The following CDS2 variants were observed in gnomAD, a reference collection of about 807,000 sequenced individuals.
CDS2 encodes phosphatidate cytidylyltransferase 2.
A neutral mutation model predicts 59.0 loss-of-function variants in CDS2; 47 were observed. The observed-to-expected ratio is 0.80, with a 90% CI of 0.63 to 1.02. The LOEUF is 1.02. Ranked by LOEUF, CDS2 falls within the 50% of genes least tolerant of loss-of-function variation. The pLI is 0.00. For missense variants in CDS2, 356 were observed against 558.9 expected, an observed-to-expected ratio of 0.64 and a Z score of 3.66; for synonymous variants, 207 against 206.4, an observed-to-expected ratio of 1.00 and a Z score of -0.02.
chr20:5,151,049 C>T (rs2090785320), intron 1 of CDS2, among the ~76,000 whole-genome samples: 1 of 152,202 alleles, frequency 6.6e-6, no homozygotes, highest in African/African-American at 2.4e-5. Context: ...ACTAAATCAG[C>T]TGTGAAGATT....
rs1212261381 is a variant in CDS2, at chr20:5,192,927, G to A, written c.*2693G>A. On this transcript the variant is annotated 3_prime_UTR_variant, in exon 13 of 13. Transcript: ENST00000460006. Reference sequence around the variant, plus strand: ...CCTGCACTTTACCCACAGGACACCTGGAGGGTCCCCCAGCCCTGCTTGCTT... The same window carrying A: ...CCTGCACTTTACCCACAGGACACCTAGAGGGTCCCCCAGCCCTGCTTGCTT... 1 of 152,274 alleles carries A rather than the reference G, an allele frequency of 6.6e-6. No individual in the cohort carries two copies. The highest frequency in any genetic ancestry group is 2.4e-5 in the African/African-American group (1 of 41,468). The allele number at this position is 152,274 out of a possible 1,614,324, so 9.4% of individuals were successfully genotyped here.
intron 1 of CDS2, among the ~76,000 whole-genome samples, chr20:5,163,911 C>T (rs1012783839): frequency 6.6e-6 from 1 of 151,794 alleles, no homozygotes. Flanking sequence ...TTGCCTCAGC[C>T]TCCCAAGTAG....
rs773605365 is a variant in CDS2 at position 5,189,205 on chromosome 20, G to T, written c.1101+19G>T. On this transcript the variant is annotated intron_variant, in intron 11 of 12. Coordinates refer to ENST00000460006, the MANE Select transcript of CDS2 (RefSeq NM_003818.4). ...AATCAAAGTAGGAAAACCGTCTTAC[G>T]TTCCTCTCATCTCACTCCCTCACCC... 4 of 1,613,628 alleles carry T rather than the reference G, an allele frequency of 2.5e-6. No individual in the cohort carries two copies. In the South Asian group the frequency reaches 3.3e-5, roughly 13 times the overall value.
intron 1 of CDS2, among the ~76,000 whole-genome samples, chr20:5,152,470 G>A (rs1217742514): frequency 2.0e-5 from 3 of 152,088 alleles, no homozygotes; most frequent in Non-Finnish European, 4.4e-5. Context: ...GGCCAGGTAC[G>A]GTGGCTCACG....
intron 1 of CDS2, among the ~76,000 whole-genome samples, chr20:5,148,998 T>C (rs1336108934): frequency 2.0e-5 from 3 of 152,164 alleles, no homozygotes; most frequent in Non-Finnish European, 4.4e-5. Context: ...TAGGGACTTT[T>C]TTTTTCTTTT....
chr20:5,145,814 CTTTTTGTGTTTT>C (rs1568530693), intron 1 of CDS2, among the ~76,000 whole-genome samples: 1 of 127,128 alleles, frequency 7.9e-6, no homozygotes. Context: ...GTGTGTTTTG[CTTTTTGTGTTTT>C]TTTTTTTTTT....
chr20:5,187,730 A>C (rs1363913288), intron 10 of CDS2: 1 of 152,052 alleles, frequency 6.6e-6, no homozygotes, highest in Non-Finnish European at 1.5e-5. Flanking sequence ...AAAATACAAA[A>C]AAATATAGCT....
chr20:5,132,625 GAA>G (rs1344765018), intron 1 of CDS2, among the ~76,000 whole-genome samples: 2 of 151,946 alleles, frequency 1.3e-5, no homozygotes, highest in African/African-American at 4.8e-5. Flanking sequence ...TTTATGTTGA[GAA>G]ATAATTTAGG....
intron 5 of CDS2, 111 bp downstream of exon 5, chr20:5,179,067 G>A (rs1297448784): frequency 2.1e-6 from 2 of 943,724 alleles, no homozygotes; most frequent in Non-Finnish European, 3.4e-6. Context: ...CATTAACTGT[G>A]ACCATGCAGG....
At chr20:5,142,497 T>C (rs933247918) in intron 1 of CDS2, among the ~76,000 whole-genome samples, 32 of 152,148 alleles carry the variant, frequency 2.1e-4, no homozygotes, top group African/African-American at 6.8e-4. Context: ...ATTTGGATCC[T>C]GATCCAATCA....
At position 5,182,465 on chromosome 20, in the gene CDS2, G is replaced by T; in HGVS notation, c.588+20G>T. On this transcript the variant is annotated intron_variant, in intron 6 of 12. Transcript: ENST00000460006. ...TACATGGTAAAGGAAATGCATGCGT[G>T]TGTGTCAGAATTCTTGATTTAAATG... 6.3e-7 allele frequency: 1 copy of T among 1,598,680 alleles called. No homozygotes were observed. The highest frequency in any genetic ancestry group is 8.5e-7 in the Non-Finnish European group (1 of 1,171,248).
chr20:5,173,706 T>C (rs376500191), intron 2 of CDS2, 47 bp downstream of exon 2: 2 of 1,607,836 alleles, frequency 1.2e-6, no homozygotes. Context: ...CTTTGCACCA[T>C]GTCCAAGTGC....
intron 1 of CDS2, among the ~76,000 whole-genome samples, chr20:5,146,901 G>T (rs1329870683): frequency 2.6e-5 from 4 of 152,124 alleles, no homozygotes; most frequent in Non-Finnish European, 5.9e-5. Context: ...CTGAGTGTGT[G>T]GCTTCTATCT....
chr20:5,151,044 A>G (rs1471417835), intron 1 of CDS2, among the ~76,000 whole-genome samples: 1 of 152,202 alleles, frequency 6.6e-6, no homozygotes, highest in African/African-American at 2.4e-5. Flanking sequence ...TTGGTACTAA[A>G]TCAGCTGTGA....
At chr20:5,142,321 C>T (rs951786550) in intron 1 of CDS2, among the ~76,000 whole-genome samples, 1 of 152,008 alleles carries the variant, frequency 6.6e-6, no homozygotes, top group Non-Finnish European at 1.5e-5. Context: ...ATGGTGCATG[C>T]CTGTAATCCC....
chr20:5,142,017 T>C (rs1348122781), intron 1 of CDS2, among the ~76,000 whole-genome samples: 1 of 152,126 alleles, frequency 6.6e-6, no homozygotes, highest in Non-Finnish European at 1.5e-5. Context: ...AGGTAAAACA[T>C]ATAGATTAAA....
intron 4 of CDS2, among the ~76,000 whole-genome samples, chr20:5,178,066 A>T (rs1013966745): frequency 1.3e-5 from 2 of 152,210 alleles, no homozygotes; most frequent in Non-Finnish European, 2.9e-5. Flanking sequence ...GGGGGTTTGC[A>T]GTGATGGCTG....
At chr20:5,170,087 A>C (rs985857258) in intron 1 of CDS2, among the ~76,000 whole-genome samples, 1 of 152,100 alleles carries the variant, frequency 6.6e-6, no homozygotes, top group Non-Finnish European at 1.5e-5. Flanking sequence ...TGGTCATCCC[A>C]ACAACCTTCC....
chr20:5,181,026 C>T (rs59277145), intron 5 of CDS2, among the ~76,000 whole-genome samples: 11,127 of 152,056 alleles, frequency 0.073, 475 homozygotes, highest in Middle Eastern at 0.16. Context: ...TAAGCTTATC[C>T]TGCATTCCTA....
Sources: gnomAD v4.1 joint callset for allele counts (sites outside exome capture counted in the v4.1 genomes callset) on GRCh38, gnomAD v4.1.1 for gene constraint, MANE v1.5 for transcripts, NCBI Gene and HGNC (gene_info 2026-07-23, HGNC 2026-07-21) for gene names.